BLK: variants seen among roughly 807,000 people sequenced by gnomAD.
The protein encoded by BLK is BLK proto-oncogene, Src family tyrosine kinase.
In BLK, 64 loss-of-function variants were observed where a neutral mutation model predicts 61.8. That is an observed-to-expected ratio of 1.03 (90% CI 0.85 to 1.27). The LOEUF is 1.27. Ranked by LOEUF, BLK falls within the 50% of genes most tolerant of loss-of-function variation. The pLI is 0.00. For synonymous variants in BLK, 351 were observed against 272.0 expected, an observed-to-expected ratio of 1.29 and a Z score of -2.86; for missense variants, 853 against 660.5, an observed-to-expected ratio of 1.29 and a Z score of -3.19.
At position 11,494,518 on chromosome 8, in the gene BLK, C is replaced by G. The variant is rs1334739786; in HGVS notation, c.-75C>G. 1.3e-5 allele frequency: 2 copies of G among 152,258 alleles called. No homozygotes were observed. Among genetic ancestry groups the G allele is most frequent in the African/African-American group, 4.8e-5 (2 of 41,464 alleles). 9.4% of individuals were successfully genotyped at this position (152,258 alleles called of 1,614,324 possible). On this transcript the variant is annotated 5_prime_UTR_variant, in exon 1 of 13. Coordinates refer to ENST00000259089, the MANE Select transcript of BLK (RefSeq NM_001715.3). Reference sequence around the variant, plus strand: ...TGGTGTTGGAAGTTGCTCGTTGTCGCTAGGAGCCTGCTCCACTGTAAGGGT... The same window carrying G: ...TGGTGTTGGAAGTTGCTCGTTGTCGGTAGGAGCCTGCTCCACTGTAAGGGT...
chr8:11,563,827 C>G, intron 12 of BLK, 76 bp from the exon 13 acceptor site: 2 of 1,429,204 alleles, frequency 1.4e-6, no homozygotes, highest in South Asian at 2.5e-5. Flanking sequence ...CCACTGTGCC[C>G]CGCGGGACGC....
chr8:11,542,670 G>C (rs1299617748), intron 1 of BLK, among the ~76,000 whole-genome samples: 1 of 152,176 alleles, frequency 6.6e-6, no homozygotes, highest in Admixed American at 6.5e-5. Flanking sequence ...ATATTACTGT[G>C]AGGCCACAGC....
chr8:11,503,465 C>T (rs913820045), intron 1 of BLK, among the ~76,000 whole-genome samples: 1 of 152,138 alleles, frequency 6.6e-6, no homozygotes, highest in Non-Finnish European at 1.5e-5. Context: ...TTGTCACCTG[C>T]CCCTGTGTCA....
At chr8:11,512,502 A>G (rs1270513738) in intron 1 of BLK, among the ~76,000 whole-genome samples, 1 of 152,222 alleles carries the variant, frequency 6.6e-6, no homozygotes, top group Non-Finnish European at 1.5e-5. Flanking sequence ...AGATTTTTAC[A>G]TGGGACTTCA....
chr8:11,557,207 G>T (rs1801279212), intron 9 of BLK, among the ~76,000 whole-genome samples: 1 of 152,158 alleles, frequency 6.6e-6, no homozygotes, highest in Admixed American at 6.5e-5. Flanking sequence ...CCTGCCTCCT[G>T]GTCATGCAAC....
intron 1 of BLK, among the ~76,000 whole-genome samples, chr8:11,500,546 C>T (rs559953178): frequency 2.0e-5 from 3 of 151,618 alleles, no homozygotes; most frequent in East Asian, 1.9e-4. Flanking sequence ...GATAGGGTCT[C>T]GCTCTGCCTC....
chr8:11,513,724 A>G (rs983828596), intron 1 of BLK, among the ~76,000 whole-genome samples: 2 of 152,206 alleles, frequency 1.3e-5, no homozygotes, highest in Admixed American at 6.5e-5. Flanking sequence ...TGCCTTCTAA[A>G]TAGTTAGCCA....
chr8:11,559,205 G>T (rs777867490), intron 10 of BLK, among the ~76,000 whole-genome samples: 122 of 152,252 alleles, frequency 8.0e-4, no homozygotes, highest in Non-Finnish European at 1.5e-3. Context: ...AGAATCGGGG[G>T]TGAGGAGCCA....
chr8:11,546,597 CAG>C (rs1454951079), intron 3 of BLK, among the ~76,000 whole-genome samples: 3 of 151,986 alleles, frequency 2.0e-5, no homozygotes, highest in Non-Finnish European at 4.4e-5. Context: ...TTTTTTGAGA[CAG>C]AGTCTCGCTC....
At chr8:11,541,344 C>G (rs1800369827) in intron 1 of BLK, among the ~76,000 whole-genome samples, 1 of 152,050 alleles carries the variant, frequency 6.6e-6, no homozygotes, top group African/African-American at 2.4e-5. Flanking sequence ...TAGTATTTTT[C>G]CAGGAATGTA....
chr8:11,545,755 C>T (rs1006496681), intron 2 of BLK: 1 of 467,120 alleles, frequency 2.1e-6, no homozygotes, highest in East Asian at 3.6e-5. Context: ...ATGGTAGAGC[C>T]AGGATGTTAA....
At chr8:11,562,857 G>T in intron 11 of BLK, 122 bp from the exon 12 acceptor site, 5 of 1,416,662 alleles carry the variant, frequency 3.5e-6, no homozygotes, top group Non-Finnish European at 4.9e-6. Flanking sequence ...TGGCCGCCCC[G>T]CCCTGTGAGG....
At chr8:11,547,919 A>G in intron 3 of BLK, 113 bp from the exon 4 acceptor site, 1 of 946,284 alleles carries the variant, frequency 1.1e-6, no homozygotes, top group Non-Finnish European at 1.7e-6. Context: ...TGAGAACATC[A>G]TTTCCATCGT....
At chr8:11,497,328 G>A (rs1022468026) in intron 1 of BLK, among the ~76,000 whole-genome samples, 5 of 152,084 alleles carry the variant, frequency 3.3e-5, no homozygotes, top group African/African-American at 1.2e-4. Flanking sequence ...TCCCATTTGT[G>A]GAATGTTCCC....
At chr8:11,519,605 G>A (rs1459039307) in intron 1 of BLK, among the ~76,000 whole-genome samples, 1 of 152,144 alleles carries the variant, frequency 6.6e-6, no homozygotes, top group Admixed American at 6.5e-5. Flanking sequence ...TTATTTAGAG[G>A]ACTTGTGCCA....
chr8:11,548,595 G>A (rs1424513046), intron 4 of BLK, among the ~76,000 whole-genome samples: 1 of 152,154 alleles, frequency 6.6e-6, no homozygotes, highest in Non-Finnish European at 1.5e-5. Flanking sequence ...CAGTGGCCAG[G>A]CTTGTCCTGT....
intron 1 of BLK, 30 bp downstream of exon 1, chr8:11,494,621 T>C (rs1798297823): frequency 6.6e-6 from 1 of 152,290 alleles, no homozygotes; most frequent in Non-Finnish European, 1.5e-5. Context: ...GGGTTCTTTA[T>C]CGTCTTCCTT....
Position 11,542,460 on chromosome 8 carries a change from T to C in BLK, c.-1-764T>C, listed in dbSNP as rs1434674584. Reference sequence around the variant, plus strand: ...GCAGTGGTCTCAGGTCAGACTGGACTCCAGAGCTGGCTCTCACGGGCCAGT... The same window carrying C: ...GCAGTGGTCTCAGGTCAGACTGGACCCCAGAGCTGGCTCTCACGGGCCAGT... On this transcript the variant is annotated intron_variant, in intron 1 of 12. Transcript: ENST00000259089. 2.6e-5 allele frequency among the ~76,000 whole-genome samples: 4 copies of C among 152,310 alleles called. No homozygotes were observed. In the East Asian group the frequency reaches 7.7e-4, roughly 29 times the overall value.
chr8:11,505,025 AAC>A (rs778985991), intron 1 of BLK, among the ~76,000 whole-genome samples: 1 of 152,078 alleles, frequency 6.6e-6, no homozygotes, highest in South Asian at 2.1e-4. Context: ...TACACACAGA[AAC>A]ACACAGACAC....
Sources: allele counts gnomAD v4.1 joint callset (sites outside exome capture counted in the v4.1 genomes callset), GRCh38; gene constraint gnomAD v4.1.1; transcripts MANE v1.5; gene names NCBI Gene and HGNC (gene_info 2026-07-23, HGNC 2026-07-21).